Variants in SOX5 observed in about 807,000 individuals in gnomAD.
SOX5 encodes the protein transcription factor SOX-5.
SOX5 carries 9 observed loss-of-function variants against 92.0 expected under a neutral mutation model. The observed-to-expected ratio is 0.10, with a 90% CI of 0.06 to 0.17. The LOEUF (loss-of-function observed/expected upper bound fraction) is 0.17. Among genes scored for constraint, SOX5 ranks in the 10% least tolerant of loss-of-function variants. The probability of loss-of-function intolerance (pLI) is 1.00; values close to 1 mark genes in which losing one functional copy is unlikely to be tolerated. For missense variants in SOX5, 642 were observed against 944.5 expected (o/e 0.68, Z 4.20); for synonymous variants, 344 against 336.3 (o/e 1.02, Z -0.25).
rs142577032 is a variant in SOX5, at chr12:24,130,080, T to C, written c.-2+83263A>G. Among the ~76,000 whole-genome samples the C allele has an allele frequency of 7.6e-3, 1,158 of 152,034 alleles. 12 individuals carry two copies. Among genetic ancestry groups the C allele is most frequent in the African/African-American group, 0.026 (1,095 of 41,460 alleles). On this transcript the variant is annotated intron_variant, in intron 4 of 4. Transcript: ENST00000446891. ...GGAAATTATTAATCGTGCTTGTCTC[T>C]AGGAGAAGCAAGAAAAAAAAAGAAT...
At chr12:23,769,879 C>G (rs2094867459) in intron 3 of SOX5, among the ~76,000 whole-genome samples, 1 of 152,072 alleles carries the variant, frequency 6.6e-6, no homozygotes, top group South Asian at 2.1e-4. Context: ...ATACATTAAG[C>G]TTGATTATAA....
At chr12:23,990,836 T>A (rs373992346) in intron 4 of SOX5, among the ~76,000 whole-genome samples, 15 of 152,084 alleles carry the variant, frequency 9.9e-5, no homozygotes, top group Non-Finnish European at 2.1e-4. Flanking sequence ...ACAGATGTTA[T>A]CTGATATAAA....
intron 2 of SOX5, among the ~76,000 whole-genome samples, chr12:23,864,271 C>A (rs998670848): frequency 6.6e-6 from 1 of 152,092 alleles, no homozygotes; most frequent in African/African-American, 2.4e-5. Context: ...ATCTCTCTCC[C>A]TCTACTCGGG....
At chr12:23,615,872 A>G (rs2076495868) in intron 8 of SOX5, among the ~76,000 whole-genome samples, 1 of 152,186 alleles carries the variant, frequency 6.6e-6, no homozygotes, top group South Asian at 2.1e-4. Flanking sequence ...AAAGGGTAAA[A>G]CCTATCAGAG....
intron 2 of SOX5, among the ~76,000 whole-genome samples, chr12:24,314,535 TA>T (rs536101513): frequency 0.023 from 3,385 of 146,928 alleles, 107 homozygotes; most frequent in African/African-American, 0.072. Flanking sequence ...AATTAAAAAA[TA>T]AAAAAAAAAC....
chr12:24,542,270 T>A (rs1952204294), intron 1 of SOX5, among the ~76,000 whole-genome samples: 1 of 152,196 alleles, frequency 6.6e-6, no homozygotes, highest in Non-Finnish European at 1.5e-5. Context: ...TTCTCTATGC[T>A]TACTCACCCA....
intron 7 of SOX5, among the ~76,000 whole-genome samples, chr12:23,646,172 T>C (rs1331179874): frequency 6.6e-6 from 1 of 152,096 alleles, no homozygotes; most frequent in Non-Finnish European, 1.5e-5. Context: ...TTTTCTTTTC[T>C]CTTATTTACT....
At chr12:23,761,972 TAA>T (rs1279517693) in intron 3 of SOX5, among the ~76,000 whole-genome samples, 4 of 152,126 alleles carry the variant, frequency 2.6e-5, no homozygotes, top group Non-Finnish European at 4.4e-5. Context: ...TGCTATTTAT[TAA>T]GTTATGTATA....
intron 4 of SOX5, among the ~76,000 whole-genome samples, chr12:24,109,309 G>GA (rs1312350089): frequency 2.6e-5 from 4 of 152,086 alleles, no homozygotes; most frequent in Admixed American, 2.6e-4. Flanking sequence ...ATTTAAGTGA[G>GA]AAAACCACAA....
chr12:23,983,798 A>G (rs930132501), intron 4 of SOX5, among the ~76,000 whole-genome samples: 1 of 152,168 alleles, frequency 6.6e-6, no homozygotes, highest in African/African-American at 2.4e-5. Flanking sequence ...ATTTATTATT[A>G]GCCAAATTAT....
intron 1 of SOX5, among the ~76,000 whole-genome samples, chr12:24,469,245 G>C (rs1227965457): frequency 6.6e-6 from 1 of 152,140 alleles, no homozygotes; most frequent in Non-Finnish European, 1.5e-5. Flanking sequence ...CAGCTGATCT[G>C]ACAGGAGGTG....
chr12:23,895,115 A>G (rs982448615), intron 2 of SOX5, among the ~76,000 whole-genome samples: 1 of 151,816 alleles, frequency 6.6e-6, no homozygotes, highest in African/African-American at 2.4e-5. Context: ...TCTCATCCAC[A>G]AAGTCCTGGT....
intron 6 of SOX5, among the ~76,000 whole-genome samples, chr12:23,665,897 C>T (rs2083716701): frequency 6.6e-6 from 1 of 152,132 alleles, no homozygotes; most frequent in Admixed American, 6.6e-5. Context: ...AAAATTATCC[C>T]ATAGAAGGAA....
intron 6 of SOX5, among the ~76,000 whole-genome samples, chr12:23,684,018 G>A (rs766630104): frequency 6.6e-6 from 1 of 151,960 alleles, no homozygotes; most frequent in African/African-American, 2.4e-5. Flanking sequence ...TATGAGTAGG[G>A]TAGAGAAGGG....
chr12:23,880,415 A>G (rs2096975304), intron 2 of SOX5, among the ~76,000 whole-genome samples: 1 of 152,156 alleles, frequency 6.6e-6, no homozygotes, highest in African/African-American at 2.4e-5. Flanking sequence ...AAAATTACAT[A>G]TTGGATTTTG....
intron 4 of SOX5, among the ~76,000 whole-genome samples, chr12:23,970,840 A>ATATAT: frequency 9.0e-4 from 30 of 33,444 alleles, no homozygotes; most frequent in East Asian, 1.5e-3. Flanking sequence ...ATATATATAT[A>ATATAT]ATTTTTTTTT....
At chr12:23,868,873 C>G (rs555747450) in intron 2 of SOX5, among the ~76,000 whole-genome samples, 69 of 152,128 alleles carry the variant, frequency 4.5e-4, no homozygotes, top group African/African-American at 1.5e-3. Context: ...TTAAGCAATT[C>G]GCATACTCCA....
chr12:23,990,998 G>A (rs551802239), intron 4 of SOX5, among the ~76,000 whole-genome samples: 1 of 151,634 alleles, frequency 6.6e-6, no homozygotes, highest in Non-Finnish European at 1.5e-5. Context: ...CTATTTGGAA[G>A]ATCCTTTATC....
At position 23,860,952 on chromosome 12, in the gene SOX5, T is replaced by TAAAAAAAAAAAAAA. The variant is rs71059935; in HGVS notation, c.271-14773_271-14760dup. ...ATTTTGAAACACAAAGTATATTTTG[T>TAAAAAAAAAAAAAA]AAAAAAAAAAAAAAAAAAAAAAAAA... On this transcript the variant is annotated intron_variant, in intron 2 of 14. Coordinates refer to ENST00000451604, the MANE Select transcript of SOX5 (RefSeq NM_006940.6). 5.5e-3 allele frequency among the ~76,000 whole-genome samples: 247 copies of TAAAAAAAAAAAAAA among 45,248 alleles called. 2 individuals carry two copies. The highest frequency in any genetic ancestry group is 0.013 in the East Asian group (17 of 1,342). The allele number at this position is 45,248 out of a possible 152,430, so 29.7% of individuals were successfully genotyped here. A position where few individuals can be genotyped will look rare whatever the true frequency, so the allele number is the denominator to read the frequency against.
Sources: gnomAD v4.1 joint callset for allele counts (sites outside exome capture counted in the v4.1 genomes callset) on GRCh38, gnomAD v4.1.1 for gene constraint, MANE v1.5 for transcripts, NCBI Gene and HGNC (gene_info 2026-07-23, HGNC 2026-07-21) for gene names.